The following PGC variants were observed in gnomAD, a reference collection of about 807,000 sequenced individuals.
The protein encoded by PGC is progastricsin.
PGC carries 31 observed loss-of-function variants against 45.9 expected under a neutral mutation model. The observed-to-expected ratio is 0.67, with a 90% CI of 0.51 to 0.91. The LOEUF is 0.91. Among genes scored for constraint, PGC ranks in the 40% least tolerant of loss-of-function variants. PGC has a pLI of 0.00. For missense variants in PGC, 477 were observed against 493.2 expected (o/e 0.97, Z 0.31); for synonymous variants, 192 against 201.8 (o/e 0.95, Z 0.41).
chr6:41,738,157 C>CATATATATATACATATATATATGCAT (rs5875767), intron 7 of PGC, among the ~76,000 whole-genome samples: 2 of 27,792 alleles, frequency 7.2e-5, no homozygotes, highest in African/African-American at 2.4e-4. Flanking sequence ...TATATATATA[C>CATATATATATACATATATATATGCAT]ATATATATGC....
intron 7 of PGC, among the ~76,000 whole-genome samples, chr6:41,738,240 A>G (rs9471639): frequency 6.6e-4 from 15 of 22,660 alleles, no homozygotes; most frequent in South Asian, 1.4e-3. Flanking sequence ...ATATATATGT[A>G]TATATATATG....
chr6:41,743,242 C>A (rs746815005), intron 4 of PGC, 29 bp downstream of exon 4: 2 of 1,330,560 alleles, frequency 1.5e-6, no homozygotes, highest in Non-Finnish European at 2.2e-6. Context: ...AGCTCACAGC[C>A]CCAGCCTCCA....
intron 5 of PGC, chr6:41,741,762 G>A: frequency 6.6e-7 from 1 of 1,504,270 alleles, no homozygotes; most frequent in African/African-American, 1.4e-5. Context: ...CTAAATGCCT[G>A]CACATGCTTG....
chr6:41,738,548 A>C (rs1771759822), intron 7 of PGC, among the ~76,000 whole-genome samples: 1 of 151,954 alleles, frequency 6.6e-6, no homozygotes. Flanking sequence ...GGATTGCTTG[A>C]GCCCAGGAGG....
rs945750520 is a variant in PGC, at chr6:41,740,759, G to A, written c.648-149C>T. On this transcript the variant is annotated intron_variant, in intron 5 of 8. Coordinates refer to ENST00000373025, the MANE Select transcript of PGC (RefSeq NM_002630.4). ...AGCACTGAGTCTCCCTTCAGACTGGGGCTCCCTGAGGACAGGGCTGTATCC... is the reference window on the plus strand; with the variant it reads ...AGCACTGAGTCTCCCTTCAGACTGGAGCTCCCTGAGGACAGGGCTGTATCC... 11 of 1,447,336 alleles carry A rather than the reference G, an allele frequency of 7.6e-6. No homozygotes were observed. The Admixed American group carries it at 3.1e-4, about 40-fold the overall frequency. 89.7% of individuals were successfully genotyped at this position (1,447,336 alleles called of 1,614,324 possible). A position where few individuals can be genotyped will look rare whatever the true frequency, so the allele number is the denominator to read the frequency against.
At position 41,737,015 on chromosome 6, in the gene PGC, A is replaced by G; in HGVS notation, c.1015-11T>C. On this transcript the variant is annotated splice_polypyrimidine_tract_variant and intron_variant, in intron 8 of 8. Transcript: ENST00000373025. ...GCAGTAGCCGTTGTTCTGCTCAACAAAGAAAGGCAGCACTCATTCATTTGT... is the reference window on the plus strand; with the variant it reads ...GCAGTAGCCGTTGTTCTGCTCAACAGAGAAAGGCAGCACTCATTCATTTGT... The G allele has an allele frequency of 1.2e-6, 2 of 1,610,704 alleles. No homozygotes were observed. The highest frequency in any genetic ancestry group is 1.7e-6 in the Non-Finnish European group (2 of 1,178,372).
chr6:41,740,951 C>T (rs552770294), intron 5 of PGC: 653 of 1,505,618 alleles, frequency 4.3e-4, no homozygotes, highest in Non-Finnish European at 5.4e-4. Context: ...GGCTTTCTGG[C>T]CAGGCCTTGG....
intron 7 of PGC, among the ~76,000 whole-genome samples, chr6:41,738,177 T>TGC (rs1561879733): frequency 8.0e-4 from 26 of 32,350 alleles, no homozygotes; most frequent in South Asian, 2.1e-3. Context: ...CATATATATA[T>TGC]ACATATATAT....
chr6:41,739,987 T>A, intron 6 of PGC, 41 bp from the exon 7 acceptor site: 1 of 1,592,304 alleles, frequency 6.3e-7, no homozygotes. Flanking sequence ...ACTCCCCCAG[T>A]TCAGGGCAGC....
chr6:41,742,485 T>G lies in PGC; in HGVS notation c.452A>C (p.Gln151Pro). The G allele has an allele frequency of 1.2e-6, 2 of 1,613,960 alleles. No homozygotes were observed. Among genetic ancestry groups the G allele is most frequent in the Non-Finnish European group, 1.7e-6 (2 of 1,179,820 alleles). ...CTCCTGGTTGGGGACCTGGATGCTC[T>G]GGACCTAATGGAGACACAAACGAGG... Reference protein sequence around the residue: ...GFFGYDTLTVQSIQVPNQEFG... With the variant: ...GFFGYDTLTVPSIQVPNQEFG... The change falls in exon 5 of 9, where the codon CAG becomes CCG. Residue 151 changes from glutamine (Q) to proline (P), a missense_variant. By Grantham distance (76) the Gln-to-Pro change is moderately conservative. Coordinates refer to ENST00000373025, the MANE Select transcript of PGC (RefSeq NM_002630.4).
rs749326253 is a variant in PGC, at chr6:41,741,866, A to T, written c.647+424T>A. The T allele has an allele frequency of 4.6e-6, 7 of 1,517,798 alleles. No individual in the cohort carries two copies. The Admixed American group carries it at 1.2e-4, about 26-fold the overall frequency. 94.0% of individuals were successfully genotyped at this position (1,517,798 alleles called of 1,614,324 possible). A position where few individuals can be genotyped will look rare whatever the true frequency, so the allele number is the denominator to read the frequency against. ...AGGCTAGAACAATAGATAAAAGGAG[A>T]TGAAGCAATACATTACTATGCAAAA... On this transcript the variant is annotated intron_variant, in intron 5 of 8. Transcript: ENST00000373025.
intron 4 of PGC, 25 bp from the exon 5 acceptor site, chr6:41,742,514 G>A: frequency 6.9e-6 from 11 of 1,600,962 alleles, no homozygotes; most frequent in South Asian, 1.1e-5. Flanking sequence ...AACGAGGGGA[G>A]GTGACCAGTC....
At chr6:41,737,584 T>G (rs1561879256) in intron 8 of PGC, 146 bp downstream of exon 8, 1 of 576,384 alleles carries the variant, frequency 1.7e-6, no homozygotes. Flanking sequence ...GAGAAGGGGG[T>G]TTAGAATCAA....
At position 41,736,776 on chromosome 6, in the gene PGC, G is replaced by T; in HGVS notation, c.*76C>A. On this transcript the variant is annotated 3_prime_UTR_variant, in exon 9 of 9. Transcript: ENST00000373025. ...AGAAAAAGAAGGCTGAATCCAGAGTGGAAAGACAGATACAATGCCCTAGGA... is the reference window on the plus strand; with the variant it reads ...AGAAAAAGAAGGCTGAATCCAGAGTTGAAAGACAGATACAATGCCCTAGGA... The T allele has an allele frequency of 6.9e-7, 1 of 1,438,978 alleles. No homozygotes were observed. Among genetic ancestry groups the T allele is most frequent in the Non-Finnish European group, 9.8e-7 (1 of 1,020,776 alleles). 89.1% of individuals were successfully genotyped at this position (1,438,978 alleles called of 1,614,324 possible). A position where few individuals can be genotyped will look rare whatever the true frequency, so the allele number is the denominator to read the frequency against.
chr6:41,738,464 C>T (rs1186801713), intron 7 of PGC, among the ~76,000 whole-genome samples: 2 of 150,210 alleles, frequency 1.3e-5, no homozygotes, highest in Admixed American at 1.3e-4. Context: ...CCCGCCTCCA[C>T]CAAAAATACA....
chr6:41,738,213 T>TACGTATATATAC (rs1771745407), intron 7 of PGC, among the ~76,000 whole-genome samples: 3 of 13,644 alleles, frequency 2.2e-4, no homozygotes, highest in African/African-American at 4.1e-4. Flanking sequence ...CATATATATA[T>TACGTATATATAC]GCATATATAT....
chr6:41,737,333 C>T (rs1449016230), intron 8 of PGC, among the ~76,000 whole-genome samples: 1 of 152,226 alleles, frequency 6.6e-6, no homozygotes, highest in African/African-American at 2.4e-5. Flanking sequence ...GAATTCAAAC[C>T]TTAGCTGTGT....
At chr6:41,740,643 AG>A in intron 5 of PGC, 33 bp from the exon 6 acceptor site, 1 of 1,566,370 alleles carries the variant, frequency 6.4e-7, no homozygotes, top group Middle Eastern at 1.7e-4. Flanking sequence ...GAAGTCAGGG[AG>A]TGCCATGGAA....
intron 3 of PGC, 56 bp from the exon 4 acceptor site, chr6:41,743,445 T>G: frequency 2.8e-6 from 3 of 1,075,350 alleles, no homozygotes; most frequent in Non-Finnish European, 4.3e-6. Context: ...GCTGCTCAGC[T>G]CTCAGGCCTG....
Sources: gnomAD v4.1 joint callset for allele counts (sites outside exome capture counted in the v4.1 genomes callset) on GRCh38, gnomAD v4.1.1 for gene constraint, MANE v1.5 for transcripts, NCBI Gene and HGNC (gene_info 2026-07-23, HGNC 2026-07-21) for gene names.